The following SERPINI1 variants were observed in gnomAD, a reference collection of about 807,000 sequenced individuals.
SERPINI1 encodes serpin family I member 1, also known as neuroserpin.
SERPINI1 carries 19 observed loss-of-function variants against 41.1 expected under a neutral mutation model. The ratio of observed to expected loss-of-function variants is 0.46; its 90% confidence interval spans 0.32 to 0.68. The LOEUF (loss-of-function observed/expected upper bound fraction) is 0.68, where lower values mean the gene tolerates loss of function less well. SERPINI1 is among the 30% of genes least tolerant of loss of function. The pLI is 0.03. For synonymous variants in SERPINI1, 138 were observed against 156.6 expected (o/e 0.88, Z 0.89); for missense variants, 460 against 479.2 (o/e 0.96, Z 0.37).
At chr3:167,823,151 T>C (rs552787568) in intron 7 of SERPINI1, 79 bp downstream of exon 7, 177 of 1,011,842 alleles carry the variant, frequency 1.7e-4, no homozygotes, top group Non-Finnish European at 2.4e-4. Context: ...GGGGTCATTT[T>C]CAAAATGAAG....
At chr3:167,805,477 C>T (rs900530016) in intron 5 of SERPINI1, among the ~76,000 whole-genome samples, 3 of 152,174 alleles carry the variant, frequency 2.0e-5, no homozygotes, top group Non-Finnish European at 4.4e-5. Flanking sequence ...AAATTTCTCC[C>T]ATTCTGTAGG....
At position 167,775,936 on chromosome 3, in the gene SERPINI1, G is replaced by A. The variant is rs553018480; in HGVS notation, c.-18-13175G>A. The stretch of plus-strand genomic sequence containing the variant: ...TTTTCTCCACTGCACTCCAGCCTGG[G>A]CGACAGAGTGAGACCCCGTCCCAAA... On this transcript the variant is annotated intron_variant, in intron 1 of 8. Transcript: ENST00000446050. Among the ~76,000 whole-genome samples, 4 of 152,058 alleles carry A rather than the reference G, an allele frequency of 2.6e-5. No individual in the cohort carries two copies. In the South Asian group the frequency reaches 6.2e-4, roughly 24 times the overall value.
In SERPINI1 at chr3:167,789,683, G is replaced by A. The variant is rs114702905; in HGVS notation, c.250+305G>A. Among the ~76,000 whole-genome samples, 165 of 152,126 alleles carry A rather than the reference G, an allele frequency of 1.1e-3. 1 individual carries two copies. The highest frequency in any genetic ancestry group is 2.0e-3 in the Non-Finnish European group (136 of 68,012). ...GTAGAGAGAGAGGCACATATTTATC[G>A]CACAAATAAATGAAAAATTACAAAT... On this transcript the variant is annotated intron_variant, in intron 2 of 8. Transcript: ENST00000446050.
chr3:167,745,963 A>C (rs1244763993), intron 1 of SERPINI1, among the ~76,000 whole-genome samples: 1 of 152,174 alleles, frequency 6.6e-6, no homozygotes, highest in African/African-American at 2.4e-5. Context: ...TGAAAGACTT[A>C]ATATTGTTGG....
chr3:167,772,078 AG>A (rs1726774570), intron 1 of SERPINI1, among the ~76,000 whole-genome samples: 1 of 152,204 alleles, frequency 6.6e-6, no homozygotes, highest in Non-Finnish European at 1.5e-5. Context: ...TCAACTTAAT[AG>A]GTTTCAGTTT....
At chr3:167,750,890 C>T (rs1726022384) in intron 1 of SERPINI1, among the ~76,000 whole-genome samples, 1 of 152,008 alleles carries the variant, frequency 6.6e-6, no homozygotes, top group African/African-American at 2.4e-5. Flanking sequence ...GTATATTGTA[C>T]CTTGCATTCT....
At chr3:167,766,329 A>G (rs990549112) in intron 1 of SERPINI1, among the ~76,000 whole-genome samples, 19 of 151,958 alleles carry the variant, frequency 1.3e-4, no homozygotes, top group African/African-American at 4.4e-4. Context: ...TCTTATATGG[A>G]TGGCAGCAGG....
intron 1 of SERPINI1, among the ~76,000 whole-genome samples, chr3:167,739,310 T>C (rs116104861): frequency 2.1e-3 from 324 of 152,296 alleles, no homozygotes; most frequent in African/African-American, 7.1e-3. Context: ...CCATTGGACA[T>C]TGGACAATAC....
intron 1 of SERPINI1, among the ~76,000 whole-genome samples, chr3:167,756,296 C>T (rs1021378236): frequency 1.3e-5 from 2 of 151,904 alleles, no homozygotes; most frequent in African/African-American, 4.8e-5. Context: ...ACCATCCTGA[C>T]CCAACCCCCA....
intron 1 of SERPINI1, among the ~76,000 whole-genome samples, chr3:167,747,114 C>A (rs748778834): frequency 6.6e-6 from 1 of 152,202 alleles, no homozygotes; most frequent in Admixed American, 6.5e-5. Flanking sequence ...GGTACTGATA[C>A]TACAGCATGG....
chr3:167,777,475 T>G (rs948446620), intron 1 of SERPINI1, among the ~76,000 whole-genome samples: 1 of 152,158 alleles, frequency 6.6e-6, no homozygotes, highest in African/African-American at 2.4e-5. Context: ...TTATTGTAGT[T>G]GTGAAATATT....
chr3:167,740,578 C>T (rs1725647543), intron 1 of SERPINI1, among the ~76,000 whole-genome samples: 1 of 152,174 alleles, frequency 6.6e-6, no homozygotes. Context: ...TTTTCTTAGA[C>T]ATCTGTGTTA....
intron 1 of SERPINI1, among the ~76,000 whole-genome samples, chr3:167,742,965 A>C (rs1260810454): frequency 6.6e-6 from 1 of 152,064 alleles, no homozygotes; most frequent in Non-Finnish European, 1.5e-5. Flanking sequence ...TGGTATCTCC[A>C]GTTAAAAGGC....
intron 1 of SERPINI1, among the ~76,000 whole-genome samples, chr3:167,783,185 A>G (rs62279563): frequency 0.13 from 19,527 of 152,158 alleles, 1,529 homozygotes; most frequent in African/African-American, 0.21. Context: ...TCCTTGAGAT[A>G]CATTGAGAGG....
In SERPINI1 at chr3:167,792,854, G is replaced by A. The variant is rs903501917; in HGVS notation, c.676+70G>A. 408 of 1,337,052 alleles carry A rather than the reference G, an allele frequency of 3.1e-4. 1 individual carries two copies. Among genetic ancestry groups the A allele is most frequent in the Non-Finnish European group, 4.5e-5 (42 of 933,248 alleles). 82.8% of individuals were successfully genotyped at this position (1,337,052 alleles called of 1,614,324 possible). ...AACAGATTTCTAAGAAAAACATGAAGCATTCATATTCAAACTCCTTGTCAA... is the reference window on the plus strand; with the variant it reads ...AACAGATTTCTAAGAAAAACATGAAACATTCATATTCAAACTCCTTGTCAA... On this transcript the variant is annotated intron_variant, in intron 4 of 8. Coordinates refer to ENST00000446050, the MANE Select transcript of SERPINI1 (RefSeq NM_001122752.2).
At chr3:167,744,553 A>T (rs1207103770) in intron 1 of SERPINI1, among the ~76,000 whole-genome samples, 4 of 147,556 alleles carry the variant, frequency 2.7e-5, no homozygotes, top group Non-Finnish European at 3.0e-5. Flanking sequence ...GTATGGAAAA[A>T]GTAATGCTAC....
In SERPINI1 at chr3:167,760,561, TTGTGTGTGTGTGTGTGTG is replaced by T. The variant is rs57003321; in HGVS notation, c.-19+24770_-19+24787del. 9.5e-3 allele frequency among the ~76,000 whole-genome samples: 1,338 copies of T among 140,676 alleles called. 7 individuals are homozygous for T. Among genetic ancestry groups the T allele is most frequent in the African/African-American group, 0.016 (601 of 38,472 alleles). The allele number at this position is 140,676 out of a possible 152,430, so 92.3% of individuals were successfully genotyped here. On this transcript the variant is annotated intron_variant, in intron 1 of 8. Coordinates refer to ENST00000446050, the MANE Select transcript of SERPINI1 (RefSeq NM_001122752.2). ...TCAGTTCTGGAAGCCTGGCTCCAAA[TTGTGTGTGTGTGTGTGTG>T]TGTGTGTGTGTGTGTGTGTGTGTGT...
chr3:167,742,818 TTG>T (rs10576293), intron 1 of SERPINI1, among the ~76,000 whole-genome samples: 7,815 of 144,852 alleles, frequency 0.054, 203 homozygotes, highest in East Asian at 0.1. Context: ...TTGTGCCGTT[TTG>T]TGTGTGTGTG....
At chr3:167,812,100 G>A (rs1330054511) in intron 6 of SERPINI1, among the ~76,000 whole-genome samples, 1 of 152,032 alleles carries the variant, frequency 6.6e-6, no homozygotes, top group African/African-American at 2.4e-5. Context: ...TTTATTCCAT[G>A]GCATCCACTC....
Sources: allele counts gnomAD v4.1 joint callset (sites outside exome capture counted in the v4.1 genomes callset), GRCh38; gene constraint gnomAD v4.1.1; transcripts MANE v1.5; gene names NCBI Gene and HGNC (gene_info 2026-07-23, HGNC 2026-07-21).